MOB1B: variants seen among roughly 807,000 people sequenced by gnomAD.
The protein encoded by MOB1B is MOB1 Mps One Binder homolog B.
In MOB1B, 19 loss-of-function variants were observed where a neutral mutation model predicts 24.4. The ratio of observed to expected loss-of-function variants is 0.78; its 90% CI spans 0.54 to 1.14. The LOEUF (loss-of-function observed/expected upper bound fraction) is 1.14. Ranked by LOEUF, MOB1B falls within the 50% of genes most tolerant of loss-of-function variation. The probability of loss-of-function intolerance (pLI) is 0.00; values close to 1 mark genes in which losing one functional copy is unlikely to be tolerated. For synonymous variants in MOB1B, 76 were observed against 82.1 expected (o/e 0.93, Z 0.40); for missense variants, 243 against 259.6 (o/e 0.94, Z 0.44).
intron 1 of MOB1B, among the ~76,000 whole-genome samples, chr4:70,941,559 T>G (rs1389571929): frequency 1.3e-5 from 2 of 152,140 alleles, no homozygotes; most frequent in South Asian, 4.1e-4. Context: ...GCCAGGATGG[T>G]CTCGATCTCC....
At chr4:70,971,333 C>T (rs576465398) in intron 3 of MOB1B, among the ~76,000 whole-genome samples, 3 of 152,050 alleles carry the variant, frequency 2.0e-5, no homozygotes, top group South Asian at 4.2e-4. Flanking sequence ...TAGTGAATCT[C>T]GTCTCTATTA....
At position 70,939,967 on chromosome 4, in the gene MOB1B, T is replaced by C. The variant is rs913744878; in HGVS notation, c.15-18907T>C. ...GGAGTCTGGCCACTGTGTGGCCCAGTGTCTCCTCCGACTGCCCTAGCCCGT... is the reference window on the plus strand; with the variant it reads ...GGAGTCTGGCCACTGTGTGGCCCAGCGTCTCCTCCGACTGCCCTAGCCCGT... On this transcript the variant is annotated intron_variant, in intron 1 of 5. Transcript: ENST00000309395. Among the ~76,000 whole-genome samples, 11 of 152,212 alleles carry C rather than the reference T, an allele frequency of 7.2e-5. 1 individual carries two copies. Among genetic ancestry groups the C allele is most frequent in the African/African-American group, 2.2e-4 (9 of 41,462 alleles).
intron 1 of MOB1B, among the ~76,000 whole-genome samples, chr4:70,912,283 A>AT (rs57359101): frequency 5.6e-5 from 8 of 142,954 alleles, no homozygotes; most frequent in Admixed American, 3.5e-4. Flanking sequence ...TTTAAATTAA[A>AT]TTTTTTTTTT....
chr4:70,937,473 C>T (rs1188266985), intron 1 of MOB1B, among the ~76,000 whole-genome samples: 1 of 151,550 alleles, frequency 6.6e-6, no homozygotes, highest in Non-Finnish European at 1.5e-5. Context: ...GGATATTAGG[C>T]TTCTTGACTG....
Position 70,979,135 on chromosome 4 carries a change from G to T in MOB1B, c.417G>T (p.Pro139=), listed in dbSNP as rs79739411. The change falls in exon 5 of 6, where the codon CCG becomes CCT. Residue 139 remains proline, a synonymous_variant. Transcript: ENST00000309395. ...TGTTTATCTCTTTTCTAGGTGTCCC[G>T]TTCCCAAAGAATTTCATGTCTGTGG... ...ETLFPSKIGV[P]FPKNFMSVAK... 1.9e-6 allele frequency: 3 copies of T among 1,612,854 alleles called. No homozygotes were observed. In the African/African-American group the frequency reaches 4.0e-5, roughly 22 times the overall value.
intron 1 of MOB1B, among the ~76,000 whole-genome samples, chr4:70,905,025 A>G (rs1239657168): frequency 6.6e-6 from 1 of 152,184 alleles, no homozygotes; most frequent in Non-Finnish European, 1.5e-5. Flanking sequence ...CAGTTAGGTT[A>G]TATCTATCTA....
chr4:70,945,558 A>G (rs1737539591), intron 1 of MOB1B, among the ~76,000 whole-genome samples: 1 of 152,200 alleles, frequency 6.6e-6, no homozygotes, highest in African/African-American at 2.4e-5. Flanking sequence ...GAAGATATAA[A>G]TTTTGACAAA....
intron 1 of MOB1B, among the ~76,000 whole-genome samples, chr4:70,954,766 T>C (rs1401160501): frequency 6.6e-6 from 1 of 150,446 alleles, no homozygotes; most frequent in East Asian, 2.0e-4. Flanking sequence ...TTTTCTTTTT[T>C]TGGAGACGGA....
At chr4:70,963,692 C>T (rs28440849) in intron 2 of MOB1B, among the ~76,000 whole-genome samples, 6,892 of 151,598 alleles carry the variant, frequency 0.045, 289 homozygotes, top group African/African-American at 0.11. Flanking sequence ...TGGTGACACA[C>T]ACCTGTGGTC....
chr4:70,964,401 G>GT (rs1738431906), intron 2 of MOB1B, among the ~76,000 whole-genome samples: 1 of 152,204 alleles, frequency 6.6e-6, no homozygotes, highest in African/African-American at 2.4e-5. Flanking sequence ...ATCTGTATAT[G>GT]TTTGGAAAAA....
intron 1 of MOB1B, among the ~76,000 whole-genome samples, chr4:70,905,039 G>T (rs1735683155): frequency 6.6e-6 from 1 of 152,126 alleles, no homozygotes; most frequent in African/African-American, 2.4e-5. Context: ...CTATCTAGCA[G>T]TTGATATATT....
At chr4:70,956,304 A>AT (rs1284358903) in intron 1 of MOB1B, among the ~76,000 whole-genome samples, 2 of 152,034 alleles carry the variant, frequency 1.3e-5, no homozygotes, top group Non-Finnish European at 2.9e-5. Flanking sequence ...TTTTAAATAT[A>AT]TTTTTTAGAG....
rs1032033849 is a variant in MOB1B at position 70,986,441 on chromosome 4, A to T, written c.*4384A>T. 273 of 152,178 alleles carry T rather than the reference A, an allele frequency of 1.8e-3. 1 individual carries two copies. Among genetic ancestry groups the T allele is most frequent in the African/African-American group, 6.2e-3 (259 of 41,562 alleles). The allele number at this position is 152,178 out of a possible 1,614,324, so 9.4% of individuals were successfully genotyped here. Reference sequence around the variant, plus strand: ...CCTTTTCATATATTTATAACTTTTAATGTCTTTTTAAAAGATGTGGGACCA... The same window carrying T: ...CCTTTTCATATATTTATAACTTTTATTGTCTTTTTAAAAGATGTGGGACCA... On this transcript the variant is annotated 3_prime_UTR_variant, in exon 6 of 6. Transcript: ENST00000309395.
intron 1 of MOB1B, among the ~76,000 whole-genome samples, chr4:70,945,804 G>A (rs369641655): frequency 5.9e-5 from 9 of 152,184 alleles, no homozygotes; most frequent in African/African-American, 2.2e-4. Flanking sequence ...GGATATCAGG[G>A]AAGCTTCCTG....
chr4:70,926,601 A>G (rs546544528), intron 1 of MOB1B, among the ~76,000 whole-genome samples: 29 of 152,348 alleles, frequency 1.9e-4, no homozygotes, highest in African/African-American at 6.5e-4. Flanking sequence ...TGTCTTACAA[A>G]TGTATGGCAT....
chr4:70,964,129 G>A (rs1238010465), intron 2 of MOB1B, among the ~76,000 whole-genome samples: 1 of 152,164 alleles, frequency 6.6e-6, no homozygotes, highest in Non-Finnish European at 1.5e-5. Context: ...ATTAATATTA[G>A]TCGACTGAAC....
rs1474476444 is a variant in MOB1B at position 70,975,163 on chromosome 4, CAT to C, written c.287_288del (p.His96LeufsTer12). ...ATCTCTCCAATGCAGATATGAGTAT[CAT>C]TGGGCAGATGGAACGAACATAAAGA... ...VMSAGPKYEY[H>X]WADGTNIKKP... On this transcript the variant is annotated frameshift_variant, in exon 4 of 6. Transcript: ENST00000309395. LOFTEE classifies it high-confidence loss of function. The C allele has an allele frequency of 6.2e-7, 1 of 1,606,012 alleles. No homozygotes were observed. Among genetic ancestry groups the C allele is most frequent in the Non-Finnish European group, 8.5e-7 (1 of 1,176,860 alleles).
Position 70,986,519 on chromosome 4 carries a change from C to T in MOB1B, c.*4462C>T, listed in dbSNP as rs1739387536. The T allele has an allele frequency of 6.6e-6, 1 of 151,864 alleles. No individual in the cohort carries two copies. Among genetic ancestry groups the T allele is most frequent in the Non-Finnish European group, 1.5e-5 (1 of 67,922 alleles). The allele number at this position is 151,864 out of a possible 1,614,324, so 9.4% of individuals were successfully genotyped here. A position where few individuals can be genotyped will look rare whatever the true frequency, so the allele number is the denominator to read the frequency against. ...ACTGCATACCAATAAGAAAACTTAC[C>T]TTATTTTGAAATTTATCTGGGATAT... On this transcript the variant is annotated 3_prime_UTR_variant, in exon 6 of 6. Transcript: ENST00000309395.
At chr4:70,977,270 T>C (rs1739045155) in intron 4 of MOB1B, among the ~76,000 whole-genome samples, 1 of 152,194 alleles carries the variant, frequency 6.6e-6, no homozygotes. Flanking sequence ...CTTTAGTCAT[T>C]TTTGGTTTTT....
Sources: gnomAD v4.1 joint callset for allele counts (sites outside exome capture counted in the v4.1 genomes callset) on GRCh38, gnomAD v4.1.1 for gene constraint, MANE v1.5 for transcripts, NCBI Gene and HGNC (gene_info 2026-07-23, HGNC 2026-07-21) for gene names.